VPS50: variants seen among roughly 807,000 people sequenced by gnomAD.
VPS50 encodes the protein VPS50 subunit of EARP/GARPII complex, also known as syndetin.
In VPS50, 70 loss-of-function variants were observed where a neutral mutation model predicts 139.7. The ratio of observed to expected loss-of-function variants is 0.50; its 90% CI spans 0.41 to 0.61. The LOEUF is 0.61. VPS50 is among the 20% of genes least tolerant of loss of function. The pLI is 0.00. For synonymous variants in VPS50, 365 were observed against 376.7 expected, an observed-to-expected ratio of 0.97 and a Z score of 0.36; for missense variants, 921 against 1,133.7, an observed-to-expected ratio of 0.81 and a Z score of 2.69.
At chr7:93,318,771 TC>T (rs1243077262) in intron 20 of VPS50, among the ~76,000 whole-genome samples, 1 of 152,002 alleles carries the variant, frequency 6.6e-6, no homozygotes, top group Non-Finnish European at 1.5e-5. Context: ...AAAAAATTTC[TC>T]CCCCATGTTT....
At chr7:93,257,243 A>G (rs1795514002) in intron 5 of VPS50, 151 bp from the exon 6 acceptor site, 1 of 552,882 alleles carries the variant, frequency 1.8e-6, no homozygotes, top group Admixed American at 3.5e-5. Context: ...AAAATATACT[A>G]ATAGTTTTCA....
rs374416135 is a variant in VPS50, at chr7:93,285,918, C to G, written c.943-5785C>G. 1.7e-4 allele frequency among the ~76,000 whole-genome samples: 26 copies of G among 152,180 alleles called. No individual in the cohort carries two copies. In the East Asian group the frequency reaches 4.4e-3, roughly 26 times the overall value. On this transcript the variant is annotated intron_variant, in intron 12 of 27. Transcript: ENST00000305866. ...CCTTCCTCCTAGGATATTTGTTTACCTTTTATGATCGCCAAATTTATTAGA... is the reference window on the plus strand; with the variant it reads ...CCTTCCTCCTAGGATATTTGTTTACGTTTTATGATCGCCAAATTTATTAGA...
chr7:93,349,519 G>A (rs1798499401), intron 24 of VPS50, among the ~76,000 whole-genome samples: 1 of 152,132 alleles, frequency 6.6e-6, no homozygotes, highest in Non-Finnish European at 1.5e-5. Flanking sequence ...TAATTTGAAG[G>A]CTGCTGCAGT....
chr7:93,240,217 G>GCACACACACACACA (rs371902647), intron 2 of VPS50, among the ~76,000 whole-genome samples: 57 of 142,376 alleles, frequency 4.0e-4, no homozygotes, highest in East Asian at 1.1e-3. Flanking sequence ...ATATGTGTAT[G>GCACACACACACACA]CACACACACA....
intron 2 of VPS50, among the ~76,000 whole-genome samples, chr7:93,248,507 G>A (rs1398006676): frequency 1.3e-5 from 2 of 151,982 alleles, no homozygotes; most frequent in African/African-American, 2.4e-5. Flanking sequence ...AGTTCACATC[G>A]TTATCTCTAA....
chr7:93,355,294 G>A (rs1180786552), intron 26 of VPS50, among the ~76,000 whole-genome samples: 2 of 152,084 alleles, frequency 1.3e-5, no homozygotes, highest in Non-Finnish European at 2.9e-5. Context: ...GTTAGGGTTT[G>A]TATATTTGTC....
chr7:93,356,644 A>G (rs113425629), intron 27 of VPS50, among the ~76,000 whole-genome samples: 13 of 152,280 alleles, frequency 8.5e-5, no homozygotes, highest in Non-Finnish European at 1.6e-4. Flanking sequence ...GACTATATAG[A>G]TAACGAAAAA....
At chr7:93,251,666 TA>T (rs1206307195) in intron 2 of VPS50, among the ~76,000 whole-genome samples, 12 of 152,132 alleles carry the variant, frequency 7.9e-5, no homozygotes, top group Non-Finnish European at 1.6e-4. Context: ...CAAAGTATCA[TA>T]AAAAGTGAAA....
intron 21 of VPS50, among the ~76,000 whole-genome samples, chr7:93,326,459 A>AT (rs577771724): frequency 0.096 from 14,451 of 150,042 alleles, 790 homozygotes; most frequent in East Asian, 0.19. Context: ...ATAATAAAAA[A>AT]AAAATAAAAT....
chr7:93,341,371 G>A (rs1036439663), intron 22 of VPS50, 56 bp from the exon 23 acceptor site: 87 of 1,189,956 alleles, frequency 7.3e-5, no homozygotes, highest in African/African-American at 5.1e-4. Context: ...TCAAAATCAC[G>A]TGGTTTATTA....
chr7:93,353,406 C>A (rs1032267673), intron 25 of VPS50, among the ~76,000 whole-genome samples: 2 of 152,086 alleles, frequency 1.3e-5, no homozygotes, highest in Admixed American at 6.5e-5. Flanking sequence ...ACACTTACTC[C>A]TTTTGCGATA....
intron 23 of VPS50, among the ~76,000 whole-genome samples, chr7:93,346,125 C>G (rs1798385375): frequency 6.6e-6 from 1 of 152,216 alleles, no homozygotes; most frequent in African/African-American, 2.4e-5. Flanking sequence ...GCAACTTCAG[C>G]AAAATCTCAG....
intron 22 of VPS50, among the ~76,000 whole-genome samples, chr7:93,340,339 C>T (rs1798178144): frequency 6.6e-6 from 1 of 152,174 alleles, no homozygotes. Context: ...ATTGGTAACT[C>T]TTGAGCTGGC....
chr7:93,253,965 A>G (rs1795413859), intron 4 of VPS50, 34 bp downstream of exon 4: 3 of 1,239,698 alleles, frequency 2.4e-6, no homozygotes, highest in Admixed American at 1.9e-5. Flanking sequence ...CTTTCTGGCA[A>G]AACTCTAGAT....
chr7:93,273,146 C>G (rs1393506287), intron 11 of VPS50: 1 of 152,396 alleles, frequency 6.6e-6, no homozygotes, highest in African/African-American at 2.4e-5. Flanking sequence ...CAGCATTGTA[C>G]ATTTTGTACC....
At chr7:93,315,910 TCTTTGTA>T (rs933216763) in intron 20 of VPS50, among the ~76,000 whole-genome samples, 2 of 151,990 alleles carry the variant, frequency 1.3e-5, no homozygotes, top group South Asian at 2.1e-4. Context: ...GAAACCATAG[TCTTTGTA>T]CTTTGTACTT....
chr7:93,291,451 T>A (rs1796645720), intron 12 of VPS50, among the ~76,000 whole-genome samples: 1 of 152,126 alleles, frequency 6.6e-6, no homozygotes, highest in Non-Finnish European at 1.5e-5. Context: ...AATTTCTTTA[T>A]GGTTCTGTAA....
rs1382913035 is a variant in VPS50, at chr7:93,360,007, C to T, written c.*1571C>T. The stretch of plus-strand genomic sequence containing the variant: ...AGATTATATACTTGTGAAGTAGATT[C>T]TGCCTGTAGCCATTATTTATATGCA... On this transcript the variant is annotated 3_prime_UTR_variant, in exon 28 of 28. Coordinates refer to ENST00000305866, the MANE Select transcript of VPS50 (RefSeq NM_017667.4). 6.6e-6 allele frequency: 1 copy of T among 152,092 alleles called. No homozygotes were observed. Among genetic ancestry groups the T allele is most frequent in the Non-Finnish European group, 1.5e-5 (1 of 68,012 alleles). The allele number at this position is 152,092 out of a possible 1,614,324, so 9.4% of individuals were successfully genotyped here.
At chr7:93,339,155 T>G (rs979495773) in intron 22 of VPS50, among the ~76,000 whole-genome samples, 5 of 151,918 alleles carry the variant, frequency 3.3e-5, no homozygotes, top group Non-Finnish European at 7.4e-5. Flanking sequence ...TGGAGTAGGG[T>G]TATTTCCTTT....
Sources: allele counts gnomAD v4.1 joint callset (sites outside exome capture counted in the v4.1 genomes callset), GRCh38; gene constraint gnomAD v4.1.1; transcripts MANE v1.5; gene names NCBI Gene and HGNC (gene_info 2026-07-23, HGNC 2026-07-21).